Variants in SLC39A12 observed in about 807,000 individuals in gnomAD.
SLC39A12 encodes the protein zinc transporter ZIP12.
A neutral mutation model predicts 71.1 loss-of-function variants in SLC39A12; 63 were observed. The observed-to-expected ratio is 0.89, with a 90% CI of 0.72 to 1.09. SLC39A12 has a LOEUF of 1.09. Ranked by LOEUF, SLC39A12 falls within the 50% of genes least tolerant of loss-of-function variation. SLC39A12 has a pLI of 0.00. For synonymous variants in SLC39A12, 351 were observed against 301.3 expected (o/e 1.16, Z -1.71); for missense variants, 892 against 812.6 (o/e 1.10, Z -1.19).
At chr10:17,968,235 C>T (rs1834883394) in intron 4 of SLC39A12, among the ~76,000 whole-genome samples, 1 of 152,102 alleles carries the variant, frequency 6.6e-6, no homozygotes, top group African/African-American at 2.4e-5. Context: ...TTTACTTTCT[C>T]ATCTAATTGC....
rs894591959 is a variant in SLC39A12 at position 17,976,165 on chromosome 10, G to A, written c.752-1737G>A. ...TCACCTGAATTTTAGTTTGTATGAA[G>A]GTGCTTTTCTTGTGTAGATAGTTGT... is the stretch of plus-strand genomic sequence containing the variant. On this transcript the variant is annotated intron_variant, in intron 4 of 12. Coordinates refer to ENST00000377369, the MANE Select transcript of SLC39A12 (RefSeq NM_001145195.2). Among the ~76,000 whole-genome samples the A allele has an allele frequency of 9.2e-5, 14 of 152,244 alleles. No homozygotes were observed. In the East Asian group the frequency reaches 2.7e-3, roughly 29 times the overall value.
chr10:17,993,145 T>C (rs1484269256), intron 8 of SLC39A12, 36 bp from the exon 9 acceptor site: 1 of 1,458,000 alleles, frequency 6.9e-7, no homozygotes, highest in African/African-American at 1.4e-5. Context: ...TGTGTTCTTC[T>C]GGCTTCAACA....
chr10:17,961,888 C>G (rs367590715), intron 3 of SLC39A12, 26 bp downstream of exon 3: 59 of 1,598,612 alleles, frequency 3.7e-5, no homozygotes, highest in Middle Eastern at 1.7e-4. Flanking sequence ...TGCTAACTGG[C>G]TCTGCTGCTA....
chr10:18,029,470 C>T (rs1379157188), intron 12 of SLC39A12, among the ~76,000 whole-genome samples: 1 of 151,978 alleles, frequency 6.6e-6, no homozygotes, highest in African/African-American at 2.4e-5. Context: ...TTAGGTTGGA[C>T]AACTTGTGAA....
At chr10:18,042,388 A>G (rs75036238) in intron 12 of SLC39A12, among the ~76,000 whole-genome samples, 9,068 of 145,746 alleles carry the variant, frequency 0.062, 371 homozygotes, top group Middle Eastern at 0.14. Flanking sequence ...GCTGGAGCCC[A>G]GGAGGTTGCT....
chr10:18,010,308 A>G (rs1836174429), intron 12 of SLC39A12, among the ~76,000 whole-genome samples: 1 of 152,138 alleles, frequency 6.6e-6, no homozygotes, highest in Admixed American at 6.5e-5. Flanking sequence ...ACAGGAAGAG[A>G]TTTTGTTTGA....
In SLC39A12 at chr10:17,987,398, A is replaced by G; in HGVS notation, c.1097-81A>G. 5 of 1,347,178 alleles carry G rather than the reference A, an allele frequency of 3.7e-6. 1 individual carries two copies. Among genetic ancestry groups the G allele is most frequent in the Non-Finnish European group, 3.1e-6 (3 of 958,320 alleles). 83.5% of individuals were successfully genotyped at this position (1,347,178 alleles called of 1,614,324 possible). ...CCTACTGGCTGTTACTGTAAGACCA[A>G]TTCTTCTGGCATTTTCGCCAGCTGA... is the stretch of plus-strand genomic sequence containing the variant. On this transcript the variant is annotated intron_variant, in intron 6 of 12. Coordinates refer to ENST00000377369, the MANE Select transcript of SLC39A12 (RefSeq NM_001145195.2).
In SLC39A12 at chr10:17,953,177, C is replaced by T; in HGVS notation, c.-86-14C>T. Reference sequence around the variant, plus strand: ...CACAATAATTGAAGGCTTTATTTTTCCCCTTTACCACAGAAATTCCTTTGG... The same window carrying T: ...CACAATAATTGAAGGCTTTATTTTTTCCCTTTACCACAGAAATTCCTTTGG... On this transcript the variant is annotated splice_polypyrimidine_tract_variant and intron_variant, in intron 1 of 12. Coordinates refer to ENST00000377369, the MANE Select transcript of SLC39A12 (RefSeq NM_001145195.2). 7.0e-7 allele frequency: 1 copy of T among 1,419,682 alleles called. No homozygotes were observed. Among genetic ancestry groups the T allele is most frequent in the South Asian group, 1.4e-5 (1 of 72,488 alleles). 87.9% of individuals were successfully genotyped at this position (1,419,682 alleles called of 1,614,324 possible).
chr10:17,986,717 A>G (rs930191909), intron 6 of SLC39A12, among the ~76,000 whole-genome samples: 1 of 152,138 alleles, frequency 6.6e-6, no homozygotes, highest in Non-Finnish European at 1.5e-5. Context: ...CGCATATAAC[A>G]CTTATAAGAC....
At chr10:18,036,750 A>ATG (rs1341532278) in intron 12 of SLC39A12, among the ~76,000 whole-genome samples, 256 of 6,598 alleles carry the variant, frequency 0.039, 4 homozygotes, top group African/African-American at 0.16. Flanking sequence ...TAAAAATTAT[A>ATG]TATATATATA....
intron 6 of SLC39A12, among the ~76,000 whole-genome samples, chr10:17,985,916 G>C (rs539532414): frequency 1.2e-4 from 18 of 152,104 alleles, no homozygotes; most frequent in Non-Finnish European, 2.4e-4. Context: ...AATGTAGATT[G>C]TTCAGATTTT....
intron 8 of SLC39A12, 69 bp downstream of exon 8, chr10:17,991,372 G>C: frequency 7.5e-7 from 1 of 1,330,394 alleles, no homozygotes; most frequent in Non-Finnish European, 1.0e-6. Context: ...TCCTTCACAA[G>C]TACTTGTTCA....
At chr10:17,972,557 T>G (rs544519699) in intron 4 of SLC39A12, among the ~76,000 whole-genome samples, 1 of 152,180 alleles carries the variant, frequency 6.6e-6, no homozygotes, top group Non-Finnish European at 1.5e-5. Flanking sequence ...TAAGTCCTCT[T>G]GCTGGATTGA....
At chr10:18,019,681 A>T (rs11492530) in intron 12 of SLC39A12, among the ~76,000 whole-genome samples, 2,106 of 152,120 alleles carry the variant, frequency 0.014, 30 homozygotes, top group South Asian at 0.032. Context: ...ATTTAGAGGT[A>T]TGTTATTTAA....
At chr10:18,012,604 C>T (rs578174900) in intron 12 of SLC39A12, among the ~76,000 whole-genome samples, 111 of 152,198 alleles carry the variant, frequency 7.3e-4, no homozygotes, top group African/African-American at 2.4e-3. Context: ...TGCGGTGGCT[C>T]GCGCCTGTAA....
In SLC39A12 at chr10:17,991,910, G is replaced by A. The variant is rs535636759; in HGVS notation, c.1422+607G>A. On this transcript the variant is annotated intron_variant, in intron 8 of 12. Coordinates refer to ENST00000377369, the MANE Select transcript of SLC39A12 (RefSeq NM_001145195.2). ...TTGAGGCCAGCCTGGCCAACATAGC[G>A]AAACGCTGTCTGTACTGAAAATACA... 5.3e-5 allele frequency among the ~76,000 whole-genome samples: 8 copies of A among 151,972 alleles called. No individual in the cohort carries two copies. In the East Asian group the frequency reaches 5.8e-4, roughly 11 times the overall value.
At chr10:18,033,036 G>A (rs528599773) in intron 12 of SLC39A12, among the ~76,000 whole-genome samples, 6 of 151,758 alleles carry the variant, frequency 4.0e-5, no homozygotes, top group Non-Finnish European at 8.8e-5. Context: ...TGGATGTGCT[G>A]CCGGATTCGG....
At chr10:18,020,254 A>T (rs1046291352) in intron 12 of SLC39A12, among the ~76,000 whole-genome samples, 2 of 152,090 alleles carry the variant, frequency 1.3e-5, no homozygotes, top group Non-Finnish European at 2.9e-5. Context: ...TTCACTTAGG[A>T]TAACGGCCAC....
intron 2 of SLC39A12, 116 bp downstream of exon 2, chr10:17,953,653 G>A (rs1834465608): frequency 8.4e-7 from 1 of 1,193,644 alleles, no homozygotes. Context: ...ATATGCAATT[G>A]AGCAATGCAT....
Sources: allele counts gnomAD v4.1 joint callset (sites outside exome capture counted in the v4.1 genomes callset), GRCh38; gene constraint gnomAD v4.1.1; transcripts MANE v1.5; gene names NCBI Gene and HGNC (gene_info 2026-07-23, HGNC 2026-07-21).